Variants in TBC1D2B observed in about 807,000 individuals in gnomAD.
TBC1D2B encodes TBC1 domain family member 2B.
A neutral mutation model predicts 100.8 loss-of-function variants in TBC1D2B; 64 were observed. The ratio of observed to expected loss-of-function variants is 0.64; its 90% CI spans 0.52 to 0.78. The LOEUF is 0.78. TBC1D2B is among the 30% of genes least tolerant of loss of function. The probability of loss-of-function intolerance (pLI) is 0.00; values close to 1 mark genes in which losing one functional copy is unlikely to be tolerated. For synonymous variants in TBC1D2B, 480 were observed against 479.7 expected (o/e 1.00, Z -0.01); for missense variants, 1,052 against 1,218.4 (o/e 0.86, Z 2.03).
chr15:78,011,044 A>C (rs2072209259), intron 9 of TBC1D2B, among the ~76,000 whole-genome samples: 1 of 152,168 alleles, frequency 6.6e-6, no homozygotes, highest in Non-Finnish European at 1.5e-5. Context: ...TTTTAGATTG[A>C]GTATGCAATG....
intron 1 of TBC1D2B, among the ~76,000 whole-genome samples, chr15:78,069,673 G>C (rs1250602484): frequency 6.6e-6 from 1 of 152,228 alleles, no homozygotes; most frequent in Non-Finnish European, 1.5e-5. Context: ...AATGAGATCA[G>C]GGTCCTTATG....
chr15:78,012,946 C>T lies in TBC1D2B; in HGVS notation c.2147G>A (p.Arg716Gln), dbSNP rs1255909517. 10 of 1,563,722 alleles carry T rather than the reference C, an allele frequency of 6.4e-6. No individual in the cohort carries two copies. The highest frequency in any genetic ancestry group is 1.4e-5 in the African/African-American group (1 of 73,454). The change falls in exon 9 of 13, where the codon CGA (arginine) becomes CAA (glutamine). Residue 716 changes from arginine (R) to glutamine (Q), a missense_variant. Coordinates refer to ENST00000300584, the MANE Select transcript of TBC1D2B (RefSeq NM_144572.2). ...ASKQIELDLL[R>Q]TLPNNKHYSC... is the part of the protein sequence containing the mutation. ...GTAATGTTTGTTGTTGGGCAGAGTTCGCAGCAAGTCCAGCTCAATCTGCTT... is the reference window on the plus strand; with the variant it reads ...GTAATGTTTGTTGTTGGGCAGAGTTTGCAGCAAGTCCAGCTCAATCTGCTT...
chr15:78,005,553 C>T (rs144446904), intron 10 of TBC1D2B, among the ~76,000 whole-genome samples: 6 of 152,250 alleles, frequency 3.9e-5, no homozygotes, highest in African/African-American at 1.2e-4. Context: ...CTAGCACCCA[C>T]CTGATGGAAT....
chr15:78,023,869 G>A (rs994610156), intron 6 of TBC1D2B, among the ~76,000 whole-genome samples: 22 of 152,218 alleles, frequency 1.4e-4, no homozygotes, highest in African/African-American at 5.3e-4. Flanking sequence ...AAGGGATAAT[G>A]AAGTACTAAG....
chr15:78,034,713 T>C, intron 3 of TBC1D2B: 2 of 985,458 alleles, frequency 2.0e-6, no homozygotes, highest in Non-Finnish European at 2.4e-6. Context: ...ACAGCCTTGC[T>C]GGAGGTGCGG....
At chr15:77,998,786 G>A (rs2071834432) in intron 12 of TBC1D2B, 3 of 174,224 alleles carry the variant, frequency 1.7e-5, no homozygotes, top group Non-Finnish European at 3.7e-5. Flanking sequence ...CACCGGGCAC[G>A]AGTCCGGGAC....
rs1274147128 is a variant in TBC1D2B at position 78,016,616 on chromosome 15, G to A, written c.1705C>T (p.Leu569=). The change falls in exon 8 of 13, where the codon CTG becomes TTG. Residue 569 remains leucine (L), a synonymous_variant. Transcript: ENST00000300584. ...GPTREVIAQL[L]EDALQVESQE... is the part of the protein sequence containing the mutation. ...CTCTCAACCTGCAGAGCATCCTCCA[G>A]CAACTGGGCTATGACCTCCCGGGTG... 6.2e-7 allele frequency: 1 copy of A among 1,612,946 alleles called. No homozygotes were observed. Among genetic ancestry groups the A allele is most frequent in the South Asian group, 1.1e-5 (1 of 90,814 alleles).
At chr15:78,026,614 C>A (rs2072675055) in intron 4 of TBC1D2B, among the ~76,000 whole-genome samples, 1 of 152,146 alleles carries the variant, frequency 6.6e-6, no homozygotes, top group African/African-American at 2.4e-5. Context: ...GATTCCCCTT[C>A]TTAAAAAATG....
rs375543193 is a variant in TBC1D2B, at chr15:78,008,956, T to C, written c.2388+41A>G. 8.5e-6 allele frequency: 12 copies of C among 1,407,580 alleles called. No homozygotes were observed. In the African/African-American group the frequency reaches 1.6e-4, roughly 18 times the overall value. The allele number at this position is 1,407,580 out of a possible 1,614,324, so 87.2% of individuals were successfully genotyped here. A position where few individuals can be genotyped will look rare whatever the true frequency, so the allele number is the denominator to read the frequency against. On this transcript the variant is annotated intron_variant, in intron 10 of 12. Transcript: ENST00000300584. ...AATTCAGGTCACATTTCAGCTGCAATTCTAAAAGTGGTGACTAAAACACAG... is the reference window on the plus strand; with the variant it reads ...AATTCAGGTCACATTTCAGCTGCAACTCTAAAAGTGGTGACTAAAACACAG...
At position 78,053,150 on chromosome 15, in the gene TBC1D2B, C is replaced by A. The variant is rs1287855063; in HGVS notation, c.514+884G>T. Among the ~76,000 whole-genome samples the A allele has an allele frequency of 2.0e-5, 3 of 152,342 alleles. No individual in the cohort carries two copies. The East Asian group carries it at 5.8e-4, about 29-fold the overall frequency. On this transcript the variant is annotated intron_variant, in intron 2 of 12. Transcript: ENST00000300584. Reference sequence around the variant, plus strand: ...AGTAAATCAGCCACACGTGCCAACACCATCCTTGGTGGGACAGGCAACTCG... The same window carrying A: ...AGTAAATCAGCCACACGTGCCAACAACATCCTTGGTGGGACAGGCAACTCG...
At chr15:78,003,684 T>C (rs973236480) in intron 10 of TBC1D2B, 194 bp from the exon 11 acceptor site, 45 of 537,220 alleles carry the variant, frequency 8.4e-5, no homozygotes, top group Non-Finnish European at 1.3e-4. Flanking sequence ...GCACTGCAGG[T>C]ACACACCGAG....
rs1039231946 is a variant in TBC1D2B, at chr15:77,996,300, T to C, written c.*1860A>G. 6.6e-6 allele frequency: 1 copy of C among 152,060 alleles called. No homozygotes were observed. Among genetic ancestry groups the C allele is most frequent in the Non-Finnish European group, 1.5e-5 (1 of 68,010 alleles). 9.4% of individuals were successfully genotyped at this position (152,060 alleles called of 1,614,324 possible). A position where few individuals can be genotyped will look rare whatever the true frequency, so the allele number is the denominator to read the frequency against. The stretch of plus-strand genomic sequence containing the variant: ...CTCTTAGCCCCAGGACATGGCAGTG[T>C]GTGCTGGCATGTTCCAGGGGCCATT... On this transcript the variant is annotated 3_prime_UTR_variant, in exon 13 of 13. Transcript: ENST00000300584.
intron 1 of TBC1D2B, among the ~76,000 whole-genome samples, chr15:78,063,266 G>A (rs1485027568): frequency 2.6e-5 from 4 of 152,124 alleles, no homozygotes; most frequent in Non-Finnish European, 5.9e-5. Flanking sequence ...TACTCACTGT[G>A]TATCAACTAC....
At position 78,038,948 on chromosome 15, in the gene TBC1D2B, C is replaced by T. The variant is rs182575684; in HGVS notation, c.683+5952G>A. Among the ~76,000 whole-genome samples, 8 of 152,328 alleles carry T rather than the reference C, an allele frequency of 5.3e-5. No homozygotes were observed. In the East Asian group the frequency reaches 5.8e-4, roughly 11 times the overall value. ...ACTACTGGGACATAATTGCTAAGCACGACTTCATGCTCCTGGGGGCTATCA... is the reference window on the plus strand; with the variant it reads ...ACTACTGGGACATAATTGCTAAGCATGACTTCATGCTCCTGGGGGCTATCA... On this transcript the variant is annotated intron_variant, in intron 3 of 12. Coordinates refer to ENST00000300584, the MANE Select transcript of TBC1D2B (RefSeq NM_144572.2).
intron 2 of TBC1D2B, among the ~76,000 whole-genome samples, chr15:78,050,340 A>T (rs1219458720): frequency 6.6e-6 from 1 of 152,220 alleles, no homozygotes; most frequent in Non-Finnish European, 1.5e-5. Flanking sequence ...TACCATCCAT[A>T]TTCAAACAGG....
rs796760282 is a variant in TBC1D2B at position 78,017,987 on chromosome 15, C to T, written c.1471-30G>A. On this transcript the variant is annotated intron_variant, in intron 6 of 12. Coordinates refer to ENST00000300584, the MANE Select transcript of TBC1D2B (RefSeq NM_144572.2). ...TAGAAAAAAAAAAAATCCCTGAATT[C>T]ACATTGGTTGAATATTGACTAATTA... is the stretch of plus-strand genomic sequence containing the variant. The T allele has an allele frequency of 1.2e-5, 15 of 1,271,890 alleles. No individual in the cohort carries two copies. The South Asian group carries it at 1.7e-4, about 14-fold the overall frequency. The allele number at this position is 1,271,890 out of a possible 1,614,324, so 78.8% of individuals were successfully genotyped here.
chr15:78,026,705 C>T (rs1393662703), intron 4 of TBC1D2B, among the ~76,000 whole-genome samples: 5 of 151,990 alleles, frequency 3.3e-5, no homozygotes, highest in African/African-American at 9.7e-5. Flanking sequence ...CACCTGAGGT[C>T]GGGAGTTCGA....
At chr15:78,025,229 G>C (rs536008102) in intron 5 of TBC1D2B, 30 bp downstream of exon 5, 2 of 1,593,944 alleles carry the variant, frequency 1.3e-6, no homozygotes, top group African/African-American at 2.7e-5. Flanking sequence ...GCTGAGGTGG[G>C]GTAAGACAGA....
At chr15:78,031,997 ACT>A (rs760365728) in intron 3 of TBC1D2B, among the ~76,000 whole-genome samples, 30 of 152,070 alleles carry the variant, frequency 2.0e-4, no homozygotes, top group Non-Finnish European at 4.1e-4. Context: ...TAGAGTGGAG[ACT>A]CTCAAGGCAG....
Sources: allele counts gnomAD v4.1 joint callset (sites outside exome capture counted in the v4.1 genomes callset), GRCh38; gene constraint gnomAD v4.1.1; transcripts MANE v1.5; gene names NCBI Gene and HGNC (gene_info 2026-07-23, HGNC 2026-07-21).